The following TNS3 variants were observed in gnomAD, a reference collection of about 807,000 sequenced individuals.
TNS3 encodes the protein tensin 3, also known as tensin-3.
In TNS3, 45 loss-of-function variants were observed where a neutral mutation model predicts 140.9. That is an observed-to-expected ratio of 0.32 (90% CI 0.25 to 0.41). TNS3 has a LOEUF of 0.41. TNS3 is among the 10% of genes least tolerant of loss of function. The pLI, the probability that TNS3 is intolerant of heterozygous loss-of-function variation, is 1.00. For synonymous variants in TNS3, 815 were observed against 788.4 expected, an observed-to-expected ratio of 1.03 and a Z score of -0.56; for missense variants, 1,716 against 1,906.7, an observed-to-expected ratio of 0.90 and a Z score of 1.86.
Position 47,369,004 on chromosome 7 carries a change from G to C in TNS3, c.1642C>G (p.Pro548Ala). ...VPDLGLGMDG[P>A]YERERTFGSR... ...CCAAAAGTCCGCTCCCGCTCATAGG[G>C]GCCGTCCATGCCAAGGCCCAGGTCC... Residue 548 changes from proline (P) to alanine (A), a missense_variant, in exon 17 of 31, where the codon CCC becomes GCC. This residue lies in a region of TNS3 where 1,163 missense variants were observed against 1,182.1 expected (regional missense o/e 0.98). Transcript: ENST00000311160. 2.5e-6 allele frequency: 4 copies of C among 1,613,996 alleles called. No individual in the cohort carries two copies. The highest frequency in any genetic ancestry group is 3.4e-6 in the Non-Finnish European group (4 of 1,180,038).
At chr7:47,361,054 T>A (rs1286401595) in intron 17 of TNS3, among the ~76,000 whole-genome samples, 5 of 151,302 alleles carry the variant, frequency 3.3e-5, no homozygotes, top group African/African-American at 9.7e-5. Flanking sequence ...CCTCCTGAGA[T>A]TCTTCCTCTG....
intron 20 of TNS3, among the ~76,000 whole-genome samples, chr7:47,335,816 A>G (rs1411837539): frequency 3.9e-5 from 6 of 152,210 alleles, no homozygotes; most frequent in Non-Finnish European, 8.8e-5. Flanking sequence ...ACTGTTGTAC[A>G]GGACATGAAA....
intron 16 of TNS3, among the ~76,000 whole-genome samples, chr7:47,381,087 G>C (rs1791729578): frequency 6.6e-6 from 1 of 152,246 alleles, no homozygotes; most frequent in African/African-American, 2.4e-5. Flanking sequence ...GAAAGGTGGA[G>C]AAAGAAGCTC....
In TNS3 at chr7:47,413,230, G is replaced by A. The variant is rs550838123; in HGVS notation, c.647+707C>T. Reference sequence around the variant, plus strand: ...ACCTCCCAAAGTGCTGGGATTACAGGTGTGAGCCACCAAGCCTGGCCTTTT... The same window carrying A: ...ACCTCCCAAAGTGCTGGGATTACAGATGTGAGCCACCAAGCCTGGCCTTTT... On this transcript the variant is annotated intron_variant, in intron 12 of 30. Transcript: ENST00000311160. 8.2e-5 allele frequency among the ~76,000 whole-genome samples: 12 copies of A among 145,656 alleles called. No homozygotes were observed. The East Asian group carries it at 2.5e-3, about 30-fold the overall frequency.
At chr7:47,400,615 T>G (rs1793099012) in intron 14 of TNS3, among the ~76,000 whole-genome samples, 157 bp from the exon 15 acceptor site, 1 of 152,236 alleles carries the variant, frequency 6.6e-6, no homozygotes, top group African/African-American at 2.4e-5. Flanking sequence ...TCATTGGTTA[T>G]CCATAATTTT....
At chr7:47,492,406 TCTC>T (rs987991702) in intron 3 of TNS3, among the ~76,000 whole-genome samples, 2 of 152,174 alleles carry the variant, frequency 1.3e-5, no homozygotes, top group African/African-American at 4.8e-5. Context: ...CCACACCTGA[TCTC>T]TTCTTATCCT....
chr7:47,396,507 C>A (rs1792839214), intron 16 of TNS3: 1 of 411,144 alleles, frequency 2.4e-6, no homozygotes, highest in South Asian at 2.6e-5. Context: ...CGGTCCCTGG[C>A]ATTATACATA....
In TNS3 at chr7:47,496,695, G is replaced by A. The variant is rs557027822; in HGVS notation, c.-115+10212C>T. ...CAGGCACAGGTGAGAGAGGCGGAGGGCTGGGGATGCATCTGTACCTGCTCG... is the reference window on the plus strand; with the variant it reads ...CAGGCACAGGTGAGAGAGGCGGAGGACTGGGGATGCATCTGTACCTGCTCG... On this transcript the variant is annotated intron_variant, in intron 3 of 30. Coordinates refer to ENST00000311160, the MANE Select transcript of TNS3 (RefSeq NM_022748.12). Among the ~76,000 whole-genome samples the A allele has an allele frequency of 3.3e-5, 5 of 152,328 alleles. No homozygotes were observed. In the South Asian group the frequency reaches 1.0e-3, roughly 32 times the overall value.
intron 3 of TNS3, among the ~76,000 whole-genome samples, chr7:47,495,992 A>T (rs574789897): frequency 4.6e-5 from 7 of 152,274 alleles, no homozygotes; most frequent in Admixed American, 4.6e-4. Context: ...AGAGAGGAAG[A>T]GCTGTGATCC....
chr7:47,317,142 C>T (rs190403664), intron 20 of TNS3, among the ~76,000 whole-genome samples: 1 of 152,322 alleles, frequency 6.6e-6, no homozygotes, highest in East Asian at 1.9e-4. Context: ...GAGAAATGCT[C>T]TCAAAAGGAT....
At chr7:47,415,263 A>G (rs1794015554) in intron 10 of TNS3, 57 bp from the exon 11 acceptor site, 1 of 1,217,422 alleles carries the variant, frequency 8.2e-7, no homozygotes, top group Non-Finnish European at 1.2e-6. Flanking sequence ...CTCTGCTGAG[A>G]AGGGAACTCA....
chr7:47,334,233 G>T (rs1788495311), intron 20 of TNS3, among the ~76,000 whole-genome samples: 1 of 152,104 alleles, frequency 6.6e-6, no homozygotes, highest in Non-Finnish European at 1.5e-5. Flanking sequence ...ACCTCCAATC[G>T]ACAGCAGAGA....
At chr7:47,283,211 T>G (rs1215274580) in intron 28 of TNS3, among the ~76,000 whole-genome samples, 1 of 152,194 alleles carries the variant, frequency 6.6e-6, no homozygotes, top group Non-Finnish European at 1.5e-5. Flanking sequence ...ATGGAGAACA[T>G]CTGCTCCAGC....
In TNS3 at chr7:47,564,193, C is replaced by CAA. The variant is rs57005793; in HGVS notation, c.-265+17856_-265+17857dup. Among the ~76,000 whole-genome samples, 743 of 97,638 alleles carry CAA rather than the reference C, an allele frequency of 7.6e-3. 15 individuals carry two copies. The highest frequency in any genetic ancestry group is 0.024 in the Admixed American group (197 of 8,356). The allele number at this position is 97,638 out of a possible 152,430, so 64.1% of individuals were successfully genotyped here. A position where few individuals can be genotyped will look rare whatever the true frequency, so the allele number is the denominator to read the frequency against. On this transcript the variant is annotated intron_variant, in intron 1 of 30. Transcript: ENST00000311160. The stretch of plus-strand genomic sequence containing the variant: ...TGGGTGACAGAGCGAGACTCTGTCT[C>CAA]AAAAAAAAAAAAAAAAAAAACCATT...
chr7:47,533,162 T>C (rs1250912717), intron 1 of TNS3, among the ~76,000 whole-genome samples: 1 of 128,114 alleles, frequency 7.8e-6, no homozygotes, highest in African/African-American at 3.0e-5. Flanking sequence ...AGACAGAGTC[T>C]CGCTCTGTCG....
chr7:47,467,566 G>C (rs1036383966), intron 4 of TNS3, among the ~76,000 whole-genome samples: 17 of 152,284 alleles, frequency 1.1e-4, no homozygotes, highest in Middle Eastern at 3.4e-3. Flanking sequence ...GAAGCCAACA[G>C]TTGTCCTGAT....
At chr7:47,345,745 G>A (rs959087008) in intron 18 of TNS3, among the ~76,000 whole-genome samples, 12 of 152,196 alleles carry the variant, frequency 7.9e-5, no homozygotes, top group African/African-American at 2.9e-4. Flanking sequence ...AGGACCCTGT[G>A]TGAGTGTGAT....
chr7:47,502,888 C>CA (rs1364026441), intron 3 of TNS3, among the ~76,000 whole-genome samples: 2 of 152,168 alleles, frequency 1.3e-5, no homozygotes, highest in Admixed American at 1.3e-4. Context: ...AAGAAGGGTG[C>CA]AAACCGAGGC....
intron 24 of TNS3, among the ~76,000 whole-genome samples, chr7:47,295,535 G>C (rs1484783170): frequency 1.3e-5 from 2 of 152,102 alleles, no homozygotes; most frequent in Non-Finnish European, 2.9e-5. Context: ...CATCGTGTTG[G>C]GCTTCTTATG....
Sources: allele counts gnomAD v4.1 joint callset (sites outside exome capture counted in the v4.1 genomes callset), GRCh38; gene constraint gnomAD v4.1.1; regional missense constraint gnomAD v4.1.1; transcripts MANE v1.5; gene names NCBI Gene and HGNC (gene_info 2026-07-23, HGNC 2026-07-21).